MPC1: variants seen among roughly 807,000 people sequenced by gnomAD.
MPC1 encodes the protein mitochondrial pyruvate carrier 1, also known as HSPC040 protein.
Under a neutral mutation model 13.9 loss-of-function variants are expected in MPC1, and 6 were observed. That is an observed-to-expected ratio of 0.43 (90% CI 0.24 to 0.85). The LOEUF is 0.85. Ranked by LOEUF, MPC1 falls within the 40% of genes least tolerant of loss-of-function variation. MPC1 has a pLI of 0.24. For missense variants in MPC1, 115 were observed against 143.3 expected, an observed-to-expected ratio of 0.80 and a Z score of 1.01; for synonymous variants, 47 against 50.5, an observed-to-expected ratio of 0.93 and a Z score of 0.29.
In MPC1 at chr6:166,365,951, T is replaced by C. The variant is rs1356850614; in HGVS notation, c.305+23A>G. On this transcript the variant is annotated intron_variant, in intron 4 of 4. Coordinates refer to ENST00000360961, the MANE Select transcript of MPC1 (RefSeq NM_016098.4). The surrounding 1 kb of genome is among the most constrained non-coding windows in gnomAD (Gnocchi z 4.2). ...ATTCCTCAAATTCCTGAAAAGAAAG[T>C]AACTAAATTGAAATCTGCTTACTCG... 1.2e-6 allele frequency: 2 copies of C among 1,603,562 alleles called. No homozygotes were observed.
intron 1 of MPC1, among the ~76,000 whole-genome samples, chr6:166,372,918 T>C (rs559404995): frequency 6.6e-6 from 1 of 152,332 alleles, no homozygotes; most frequent in South Asian, 2.1e-4. Flanking sequence ...GGTTCACTTA[T>C]GATTTTGAAT....
rs1779112243 is a variant in MPC1, at chr6:166,365,418, C to A, written c.*11G>T. Reference sequence around the variant, plus strand: ...CTGTCCCTTCAAGACCTTGTTCTTCCTTTTCCATTGTTATGCAGATGCCGT... The same window carrying A: ...CTGTCCCTTCAAGACCTTGTTCTTCATTTTCCATTGTTATGCAGATGCCGT... On this transcript the variant is annotated 3_prime_UTR_variant, in exon 5 of 5. Coordinates refer to ENST00000360961, the MANE Select transcript of MPC1 (RefSeq NM_016098.4). This position sits in a 1 kb window ranked among gnomAD's most constrained non-coding sequence, Gnocchi z 4.2. 1 of 1,568,210 alleles carries A rather than the reference C, an allele frequency of 6.4e-7. No homozygotes were observed. Among genetic ancestry groups the A allele is most frequent in the South Asian group, 1.2e-5 (1 of 84,394 alleles).
Position 166,381,859 on chromosome 6 carries a change from A to G in MPC1, c.71+947T>C, listed in dbSNP as rs563220648. ...TTAAATTGTACTTCCTCCCAAGCTT[A>G]AAGTCCTTAGAATGAGAAAACCGAA... On this transcript the variant is annotated intron_variant, in intron 1 of 4. Transcript: ENST00000360961. 2.7e-5 allele frequency: 26 copies of G among 977,160 alleles called. No homozygotes were observed. The South Asian group carries it at 1.2e-3, about 46-fold the overall frequency. 60.5% of individuals were successfully genotyped at this position (977,160 alleles called of 1,614,324 possible).
chr6:166,369,036 G>A (rs1779275735), intron 2 of MPC1: 1 of 652,748 alleles, frequency 1.5e-6, no homozygotes, highest in Non-Finnish European at 1.9e-6. Flanking sequence ...TGGGGCTAAA[G>A]CAGAAATGGA....
intron 1 of MPC1, among the ~76,000 whole-genome samples, chr6:166,376,287 A>G (rs935811454): frequency 6.6e-6 from 1 of 152,160 alleles, no homozygotes; most frequent in Admixed American, 6.5e-5. Context: ...TCTGAGTCCA[A>G]AGGCCTGAGA....
rs1200587314 is a variant in MPC1 at position 166,369,910 on chromosome 6, C to T, written c.75+308G>A. On this transcript the variant is annotated intron_variant, in intron 2 of 4. Transcript: ENST00000360961. ...AAATCATCCCACCCTTCTTTTCCTG[C>T]TTTCTCTTTTTCTTTCTCTATTTCC... is the stretch of plus-strand genomic sequence containing the variant. 6.1e-6 allele frequency: 3 copies of T among 494,876 alleles called. No homozygotes were observed. The East Asian group carries it at 1.2e-4, about 20-fold the overall frequency. The allele number at this position is 494,876 out of a possible 1,614,324, so 30.7% of individuals were successfully genotyped here.
At chr6:166,373,647 A>C (rs1423856770) in intron 1 of MPC1, among the ~76,000 whole-genome samples, 3 of 152,214 alleles carry the variant, frequency 2.0e-5, no homozygotes, top group African/African-American at 7.2e-5. Flanking sequence ...AATACCAAAG[A>C]ATGTGTAAGA....
At chr6:166,373,443 T>G (rs1375914687) in intron 1 of MPC1, among the ~76,000 whole-genome samples, 1 of 152,242 alleles carries the variant, frequency 6.6e-6, no homozygotes, top group Non-Finnish European at 1.5e-5. Context: ...CCCTCATGTC[T>G]TTTCATGGTT....
intron 1 of MPC1, chr6:166,381,962 A>AGCGCC (rs1175205335): frequency 3.1e-6 from 1 of 318,438 alleles, no homozygotes; most frequent in Non-Finnish European, 4.5e-6. Context: ...CCGCTCCAAC[A>AGCGCC]GCGCCGCGCC....
intron 2 of MPC1, among the ~76,000 whole-genome samples, chr6:166,369,269 G>A (rs1302802329): frequency 6.6e-6 from 1 of 152,184 alleles, no homozygotes; most frequent in Non-Finnish European, 1.5e-5. Flanking sequence ...GGGTGTGGTG[G>A]CTTGCACCTG....
chr6:166,369,540 G>C (rs1351763755), intron 2 of MPC1: 1 of 161,634 alleles, frequency 6.2e-6, no homozygotes, highest in African/African-American at 2.4e-5. Flanking sequence ...TGTTTCTTAA[G>C]AAGAACACGA....
chr6:166,382,504 C>G (rs1779834641), intron 1 of MPC1, among the ~76,000 whole-genome samples: 1 of 150,194 alleles, frequency 6.7e-6, no homozygotes, highest in East Asian at 2.0e-4. Flanking sequence ...GGAGCGCCCA[C>G]TGTCACCCTG....
In MPC1 at chr6:166,364,999, AT is replaced by A. The variant is rs1389065587; in HGVS notation, c.*429del. ...CACTGCATGGAAATACACAGGTAAC[AT>A]TTTTAAACAGTGGGGACAAAATTTT... On this transcript the variant is annotated 3_prime_UTR_variant, in exon 5 of 5. Transcript: ENST00000360961. The A allele has an allele frequency of 6.4e-6, 1 of 156,804 alleles. No individual in the cohort carries two copies. The highest frequency in any genetic ancestry group is 1.9e-4 in the East Asian group (1 of 5,388). The allele number at this position is 156,804 out of a possible 1,614,324, so 9.7% of individuals were successfully genotyped here. A position where few individuals can be genotyped will look rare whatever the true frequency, so the allele number is the denominator to read the frequency against.
In MPC1 at chr6:166,365,766, G is replaced by A. The variant is rs1050330094; in HGVS notation, c.305+208C>T. Among the ~76,000 whole-genome samples, 5 of 152,104 alleles carry A rather than the reference G, an allele frequency of 3.3e-5. No homozygotes were observed. The highest frequency in any genetic ancestry group is 1.2e-4 in the African/African-American group (5 of 41,418). ...GGCACTCTAAAGGTTTCATATTTTG[G>A]AGCATTTCAGATTTTTGGATTTGGG... On this transcript the variant is annotated intron_variant, in intron 4 of 4. Coordinates refer to ENST00000360961, the MANE Select transcript of MPC1 (RefSeq NM_016098.4). This position sits in a 1 kb window ranked among gnomAD's most constrained non-coding sequence, Gnocchi z 4.2.
Position 166,382,907 on chromosome 6 carries a change from C to T in MPC1, c.-31G>A, listed in dbSNP as rs766694413. The T allele has an allele frequency of 6.3e-7, 1 of 1,578,340 alleles. No individual in the cohort carries two copies. The highest frequency in any genetic ancestry group is 1.2e-5 in the South Asian group (1 of 86,824). ...TGCCGACACCAGACCCCGAGTGGTC[C>T]CTGCCTCTGCTGCCGCTTCCCAGAG... is the stretch of plus-strand genomic sequence containing the variant. On this transcript the variant is annotated 5_prime_UTR_variant, in exon 1 of 5. Coordinates refer to ENST00000360961, the MANE Select transcript of MPC1 (RefSeq NM_016098.4).
intron 1 of MPC1, among the ~76,000 whole-genome samples, chr6:166,373,976 T>A (rs1032255514): frequency 6.6e-6 from 1 of 152,142 alleles, no homozygotes; most frequent in Non-Finnish European, 1.5e-5. Context: ...AGTTTTGTTT[T>A]TGTGGGTTTT....
intron 1 of MPC1, among the ~76,000 whole-genome samples, chr6:166,380,179 T>A (rs990331844): frequency 2.0e-5 from 3 of 152,260 alleles, no homozygotes; most frequent in African/African-American, 7.2e-5. Flanking sequence ...ATGTTTTCGC[T>A]TGCAAAAACA....
chr6:166,366,385 T>C (rs1457380502), intron 3 of MPC1, among the ~76,000 whole-genome samples: 1 of 152,248 alleles, frequency 6.6e-6, no homozygotes, highest in African/African-American at 2.4e-5. Context: ...TTTTTTTGTC[T>C]CCTGGAGTTG....
chr6:166,372,371 CAAATGTATGAGAATAAGGGAGATTAT>C (rs1354757692), intron 1 of MPC1, among the ~76,000 whole-genome samples: 3 of 152,034 alleles, frequency 2.0e-5, no homozygotes, highest in Non-Finnish European at 4.4e-5. Flanking sequence ...CAACAGATTA[CAAATGTATGAGAATAAGGGAGATTAT>C]AAATGTATGA....
Sources: gnomAD v4.1 joint callset for allele counts (sites outside exome capture counted in the v4.1 genomes callset) on GRCh38, gnomAD v4.1.1 for gene constraint, Gnocchi (gnomAD v3.1) non-coding constraint, MANE v1.5 for transcripts, NCBI Gene and HGNC (gene_info 2026-07-23, HGNC 2026-07-21) for gene names.